CCDC187: variants seen among roughly 807,000 people sequenced by gnomAD.
CCDC187 encodes the protein coiled-coil domain-containing protein 187.
In CCDC187, 32 loss-of-function variants were observed where a neutral mutation model predicts 38.0. That is an observed-to-expected ratio of 0.84 (90% CI 0.64 to 1.13). CCDC187 has a LOEUF of 1.13. CCDC187 is among the 50% of genes most tolerant of loss of function. The pLI, the probability that CCDC187 is intolerant of heterozygous loss-of-function variation, is 0.00. For synonymous variants in CCDC187, 333 were observed against 347.9 expected, an observed-to-expected ratio of 0.96 and a Z score of 0.48; for missense variants, 707 against 786.8, an observed-to-expected ratio of 0.90 and a Z score of 1.21.
intron 4 of CCDC187, among the ~76,000 whole-genome samples, chr9:136,294,416 A>G (rs887405926): frequency 3.0e-4 from 45 of 152,272 alleles, no homozygotes; most frequent in African/African-American, 9.4e-4. Context: ...CCTGGCCCCT[A>G]TGCCCCTTCC....
At chr9:136,260,322 C>G (rs1167009683) in intron 19 of CCDC187, 58 bp from the exon 20 acceptor site, 1 of 984,048 alleles carries the variant, frequency 1.0e-6, no homozygotes, top group Non-Finnish European at 1.2e-6. Context: ...TCCCAGGTGT[C>G]CAGCCCTGGC....
In CCDC187 at chr9:136,253,909, C is replaced by A; in HGVS notation, c.5919G>T (p.Glu1973Asp). 1 of 985,566 alleles carries A rather than the reference C, an allele frequency of 1.0e-6. No individual in the cohort carries two copies. Among genetic ancestry groups the A allele is most frequent in the African/African-American group, 1.7e-5 (1 of 57,356 alleles). 61.1% of individuals were successfully genotyped at this position (985,566 alleles called of 1,614,324 possible). The change falls in exon 26 of 26, where the codon GAG becomes GAT. Residue 1973 changes from glutamate (E) to aspartate (D), a missense_variant. Glu to Asp is a conservative substitution (Grantham distance 45). Transcript: ENST00000638797. ...CACCGGCAAGTAGGGGACAGGCTTC[C>A]TCCAGGACAGTGGGGGCCCCATTCC... The part of the protein sequence containing the change: ...PGGNGAPTVL[E>D]EACPLLAGDV...
rs1160917884 is a variant in CCDC187 at position 136,293,387 on chromosome 9, A to G, written c.833-1092T>C. Among the ~76,000 whole-genome samples the G allele has an allele frequency of 1.6e-3, 204 of 130,596 alleles. 3 individuals are homozygous for G. The highest frequency in any genetic ancestry group is 5.1e-3 in the African/African-American group (182 of 35,914). The allele number at this position is 130,596 out of a possible 152,430, so 85.7% of individuals were successfully genotyped here. ...CACATGCTCACACACTCACACTCAC[A>G]TGCTCACACACTCACAAACACTCAC... On this transcript the variant is annotated intron_variant, in intron 4 of 25. Coordinates refer to ENST00000638797, the MANE Select transcript of CCDC187 (RefSeq NM_001378188.1).
intron 19 of CCDC187, among the ~76,000 whole-genome samples, chr9:136,260,549 C>T (rs987336547): frequency 4.6e-5 from 7 of 151,656 alleles, no homozygotes; most frequent in Admixed American, 6.6e-5. Context: ...CCGAGAATCA[C>T]GGTGCCACCC....
In CCDC187 at chr9:136,264,836, G is replaced by C. The variant is rs1421130230; in HGVS notation, c.3736-1038C>G. On this transcript the variant is annotated intron_variant, in intron 17 of 25. Coordinates refer to ENST00000638797, the MANE Select transcript of CCDC187 (RefSeq NM_001378188.1). This position sits in a 1 kb window ranked among gnomAD's most constrained non-coding sequence, Gnocchi z 4.3. Reference sequence around the variant, plus strand: ...AGTGGTGCAAGCTCAGCTCACTGCAGCCTTGACCTCCCAAGCTCAAGCAAT... The same window carrying C: ...AGTGGTGCAAGCTCAGCTCACTGCACCCTTGACCTCCCAAGCTCAAGCAAT... Among the ~76,000 whole-genome samples, 1 of 151,924 alleles carries C rather than the reference G, an allele frequency of 6.6e-6. No individual in the cohort carries two copies. The highest frequency in any genetic ancestry group is 1.5e-5 in the Non-Finnish European group (1 of 67,982).
At chr9:136,276,860 G>A (rs1830942267) in intron 10 of CCDC187, 133 bp from the exon 11 acceptor site, 2 of 152,238 alleles carry the variant, frequency 1.3e-5, no homozygotes, top group African/African-American at 4.8e-5. Flanking sequence ...GAGGCACAGA[G>A]GCCAGGAGTG....
In CCDC187 at chr9:136,286,425, G is replaced by A. The variant is rs1320011343; in HGVS notation, c.2493C>T (p.Ala831=). The change falls in exon 8 of 26, where the codon GCC becomes GCT. Residue 831 remains alanine (A), a synonymous_variant. Transcript: ENST00000638797. ...QAQLQALETT[A]KVLKQRVDSL... ...TATCGACCCGCTGCTTGAGGACTTT[G>A]GCTGTGGTCTCTAGCGCCTGCAGCT... is the stretch of plus-strand genomic sequence containing the variant. The A allele has an allele frequency of 1.3e-5, 5 of 398,738 alleles. No homozygotes were observed. The highest frequency in any genetic ancestry group is 1.0e-4 in the African/African-American group (5 of 48,776). The allele number at this position is 398,738 out of a possible 1,614,324, so 24.7% of individuals were successfully genotyped here.
chr9:136,254,031 G>A lies in CCDC187; in HGVS notation c.5797C>T (p.Pro1933Ser), dbSNP rs1265903822. 3.0e-5 allele frequency: 30 copies of A among 984,956 alleles called. No individual in the cohort carries two copies. The highest frequency in any genetic ancestry group is 3.3e-5 in the Non-Finnish European group (27 of 829,758). The allele number at this position is 984,956 out of a possible 1,614,324, so 61.0% of individuals were successfully genotyped here. Residue 1933 changes from proline (P) to serine (S), a missense_variant, in exon 26 of 26, where the codon CCA (proline) becomes TCA (serine). Pro to Ser is a moderately conservative substitution (Grantham distance 74, BLOSUM62 -1). Transcript: ENST00000638797. Reference sequence around the variant, plus strand: ...AGGGTCACCGGGGTCTCGGGCTCTGGCATGAGGTACGGGAGTTTGCTCTTG... The same window carrying A: ...AGGGTCACCGGGGTCTCGGGCTCTGACATGAGGTACGGGAGTTTGCTCTTG... Reference protein sequence around the residue: ...STKSKLPYLMPEPETPVTLQA... With the variant: ...STKSKLPYLMSEPETPVTLQA...
At chr9:136,261,258 C>T (rs1214884486) in intron 19 of CCDC187, among the ~76,000 whole-genome samples, 6 of 152,178 alleles carry the variant, frequency 3.9e-5, no homozygotes, top group Non-Finnish European at 5.9e-5. Flanking sequence ...CACCTGCTCC[C>T]GTGTGGCAGG....
chr9:136,259,316 C>T (rs1207643227), intron 21 of CCDC187, 47 bp downstream of exon 21: 6 of 856,182 alleles, frequency 7.0e-6, no homozygotes, highest in Non-Finnish European at 8.3e-6. Flanking sequence ...GGGGTGGTCC[C>T]TGAAACAGGC....
rs1174837663 is a variant in CCDC187, at chr9:136,267,485, C to T, written c.3546G>A (p.Glu1182=). The T allele has an allele frequency of 1.0e-6, 1 of 985,718 alleles. No homozygotes were observed. Among genetic ancestry groups the T allele is most frequent in the Admixed American group, 6.1e-5 (1 of 16,298 alleles). 61.1% of individuals were successfully genotyped at this position (985,718 alleles called of 1,614,324 possible). A position where few individuals can be genotyped will look rare whatever the true frequency, so the allele number is the denominator to read the frequency against. The change falls in exon 16 of 26, where the codon GAG becomes GAA. Residue 1182 remains glutamate, a synonymous_variant. Coordinates refer to ENST00000638797, the MANE Select transcript of CCDC187 (RefSeq NM_001378188.1). ...HQMLERSLRE[E]ELRAQHQAAL... The stretch of plus-strand genomic sequence containing the variant: ...CGGCCTGGTGCTGTGCTCGCAGCTC[C>T]TCCTCCCGCAGGCTCCGCTCCAGCA...
rs1830543513 is a variant in CCDC187, at chr9:136,251,896, CG to C, written c.*1697del. ...CGGGAAGGTCCAGGCGACCGTCCCG[CG>C]GAGCCGGCCGCCCACCTGGTCCACC... On this transcript the variant is annotated 3_prime_UTR_variant, in exon 26 of 26. Coordinates refer to ENST00000638797, the MANE Select transcript of CCDC187 (RefSeq NM_001378188.1). The C allele has an allele frequency of 7.2e-6, 1 of 138,288 alleles. No individual in the cohort carries two copies. The highest frequency in any genetic ancestry group is 1.6e-5 in the Non-Finnish European group (1 of 62,500). 8.6% of individuals were successfully genotyped at this position (138,288 alleles called of 1,614,324 possible). A position where few individuals can be genotyped will look rare whatever the true frequency, so the allele number is the denominator to read the frequency against.
intron 2 of CCDC187, among the ~76,000 whole-genome samples, chr9:136,302,242 C>G (rs1353447671): frequency 5.3e-5 from 8 of 152,090 alleles, no homozygotes; most frequent in African/African-American, 1.9e-4. Flanking sequence ...TCCCTGTTTT[C>G]TTAGGAAAAG....
rs1448063338 is a variant in CCDC187 at position 136,250,699 on chromosome 9, G to C, written c.*2895C>G. ...TCCAAACATCTGCATTCTCAGGTGG[G>C]CTGGGCAGGAGCTGGTGCAAAATCA... On this transcript the variant is annotated 3_prime_UTR_variant, in exon 26 of 26. Transcript: ENST00000638797. 1 of 455,530 alleles carries C rather than the reference G, an allele frequency of 2.2e-6. No homozygotes were observed. Among genetic ancestry groups the C allele is most frequent in the African/African-American group, 2.0e-5 (1 of 50,086 alleles). 28.2% of individuals were successfully genotyped at this position (455,530 alleles called of 1,614,324 possible).
chr9:136,270,145 G>A (rs1295221984), intron 14 of CCDC187, among the ~76,000 whole-genome samples: 2 of 152,224 alleles, frequency 1.3e-5, no homozygotes, highest in African/African-American at 2.4e-5. Flanking sequence ...CCAGCCCTAC[G>A]GGGCTTAGCA....
chr9:136,259,079 G>A, intron 21 of CCDC187, 78 bp from the exon 22 acceptor site: 1 of 943,684 alleles, frequency 1.1e-6, no homozygotes, highest in Non-Finnish European at 1.3e-6. Flanking sequence ...GACCAGGATG[G>A]ATGGGGACAG....
At position 136,285,553 on chromosome 9, in the gene CCDC187, C is replaced by A; in HGVS notation, c.2887G>T (p.Gly963Cys). 1 of 402,486 alleles carries A rather than the reference C, an allele frequency of 2.5e-6. No homozygotes were observed. Among genetic ancestry groups the A allele is most frequent in the Non-Finnish European group, 4.4e-6 (1 of 228,010 alleles). The allele number at this position is 402,486 out of a possible 1,614,324, so 24.9% of individuals were successfully genotyped here. Reference sequence around the variant, plus strand: ...CTGAGGGCCTGGAAGGGGGCCACGCCTCTCTGCAGCCTTTTGTCTGGTTTC... The same window carrying A: ...CTGAGGGCCTGGAAGGGGGCCACGCATCTCTGCAGCCTTTTGTCTGGTTTC... Reference protein sequence around the residue: ...DVKPDKRLQRGVAPFQALSPS... With the variant: ...DVKPDKRLQRCVAPFQALSPS... Residue 963 changes from glycine to cysteine, a missense_variant, in exon 9 of 26, where the codon GGC becomes TGC. Gly to Cys is a radical substitution (Grantham distance 159, BLOSUM62 -3). Coordinates refer to ENST00000638797, the MANE Select transcript of CCDC187 (RefSeq NM_001378188.1).
chr9:136,255,562 T>G, intron 25 of CCDC187, 95 bp downstream of exon 25: 2 of 448,332 alleles, frequency 4.5e-6, no homozygotes, highest in Non-Finnish European at 5.9e-6. Context: ...GGGCTGCGTA[T>G]TGTGGGGAGA....
At position 136,273,954 on chromosome 9, in the gene CCDC187, C is replaced by T. The variant is rs559311334; in HGVS notation, c.3442+704G>A. Among the ~76,000 whole-genome samples, 5 of 152,354 alleles carry T rather than the reference C, an allele frequency of 3.3e-5. No individual in the cohort carries two copies. In the South Asian group the frequency reaches 1.0e-3, roughly 32 times the overall value. ...TGCCGCTCCATCCCTACAACCTGCA[C>T]GCAGACCCTTCCTTGTTTGCTGACA... On this transcript the variant is annotated intron_variant, in intron 14 of 25. Transcript: ENST00000638797.
Sources: allele counts gnomAD v4.1 joint callset (sites outside exome capture counted in the v4.1 genomes callset), GRCh38; gene constraint gnomAD v4.1.1; non-coding constraint Gnocchi (gnomAD v3.1); transcripts MANE v1.5; gene names NCBI Gene and HGNC (gene_info 2026-07-23, HGNC 2026-07-21).